COBL: variants seen among roughly 807,000 people sequenced by gnomAD.
COBL encodes the protein cordon-bleu WH2 repeat protein, also known as protein cordon-bleu.
A neutral mutation model predicts 98.8 loss-of-function variants in COBL; 51 were observed. That is an observed-to-expected ratio of 0.52 (90% CI 0.41 to 0.65). The LOEUF is 0.65. COBL is among the 30% of genes least tolerant of loss of function. The probability of loss-of-function intolerance (pLI) is 0.00; values close to 1 mark genes in which losing one functional copy is unlikely to be tolerated. For synonymous variants in COBL, 634 were observed against 651.7 expected, an observed-to-expected ratio of 0.97 and a Z score of 0.41; for missense variants, 1,617 against 1,617.5, an observed-to-expected ratio of 1.00 and a Z score of 0.01.
At chr7:51,064,918 G>A in intron 7 of COBL, 1 of 556,788 alleles carries the variant, frequency 1.8e-6, no homozygotes, top group South Asian at 2.4e-5. Flanking sequence ...AAAGGATGCA[G>A]TGCGGTCTGT....
chr7:51,242,838 G>A (rs972199422), intron 1 of COBL, among the ~76,000 whole-genome samples: 4 of 152,130 alleles, frequency 2.6e-5, no homozygotes, highest in Non-Finnish European at 5.9e-5. Context: ...AGGCCCTGTC[G>A]AATGCCAACA....
chr7:51,091,058 G>A (rs1794771691), intron 6 of COBL, among the ~76,000 whole-genome samples: 1 of 152,222 alleles, frequency 6.6e-6, no homozygotes, highest in Non-Finnish European at 1.5e-5. Flanking sequence ...TTATTACACT[G>A]TAAGAAGCCA....
intron 5 of COBL, among the ~76,000 whole-genome samples, chr7:51,164,436 ACCTTACAGG>A (rs1787096180): frequency 6.6e-6 from 1 of 152,154 alleles, no homozygotes; most frequent in African/African-American, 2.4e-5. Flanking sequence ...TCAAGGGAAA[ACCTTACAGG>A]CCAGGAGAGA....
In COBL at chr7:51,028,398, C is replaced by T. The variant is rs189550793; in HGVS notation, c.2698G>A (p.Ala900Thr). The T allele has an allele frequency of 1.9e-6, 3 of 1,614,268 alleles. No individual in the cohort carries two copies. Among genetic ancestry groups the T allele is most frequent in the African/African-American group, 2.7e-5 (2 of 75,074 alleles). The change falls in exon 10 of 13, where the codon GCG becomes ACG. Residue 900 changes from alanine (A) to threonine (T), a missense_variant. Physicochemically the swap from Ala to Thr is moderately conservative, Grantham distance 58. Transcript: ENST00000265136. The stretch of plus-strand genomic sequence containing the variant: ...ACAGGTGGTGCAGCCAGCACTGGCG[C>T]CTTGCCTGCATAACCCTTCTCGGCA... ...GYAEKGYAGK[A>T]PVLAAPPVTV...
chr7:51,197,235 A>G (rs1322975379), intron 2 of COBL, among the ~76,000 whole-genome samples: 1 of 152,110 alleles, frequency 6.6e-6, no homozygotes, highest in Non-Finnish European at 1.5e-5. Context: ...TGATCTCATT[A>G]GTTTAAAAGA....
At chr7:51,035,393 G>C (rs1172542665) in intron 8 of COBL, 15 of 151,566 alleles carry the variant, frequency 9.9e-5, no homozygotes. Context: ...AGAGGAGAGA[G>C]ATGTTGCTTT....
intron 1 of COBL, among the ~76,000 whole-genome samples, chr7:51,232,822 A>C (rs1464079583): frequency 6.6e-6 from 1 of 152,090 alleles, no homozygotes; most frequent in Non-Finnish European, 1.5e-5. Flanking sequence ...AAAAAAAAAG[A>C]AAGAAAGAAA....
intron 2 of COBL, among the ~76,000 whole-genome samples, chr7:51,217,741 C>CAT (rs1793221398): frequency 6.6e-6 from 1 of 152,154 alleles, no homozygotes; most frequent in Non-Finnish European, 1.5e-5. Flanking sequence ...AAATTTCATG[C>CAT]ATATACTAAA....
intron 2 of COBL, among the ~76,000 whole-genome samples, chr7:51,208,853 C>CT (rs1201718358): frequency 6.6e-6 from 1 of 151,894 alleles, no homozygotes; most frequent in Non-Finnish European, 1.5e-5. Flanking sequence ...TAAACAGATG[C>CT]TTGAAGGCAG....
intron 6 of COBL, among the ~76,000 whole-genome samples, chr7:51,129,855 A>G (rs1477176735): frequency 6.6e-6 from 1 of 152,198 alleles, no homozygotes; most frequent in Non-Finnish European, 1.5e-5. Context: ...AAAGCATGAC[A>G]TGACCCTGTC....
At chr7:51,081,220 C>A (rs1793634074) in intron 7 of COBL, among the ~76,000 whole-genome samples, 1 of 152,184 alleles carries the variant, frequency 6.6e-6, no homozygotes, top group African/African-American at 2.4e-5. Context: ...CCTCCCCATC[C>A]CAACCTCCTC....
At chr7:51,125,809 C>T (rs1049155288) in intron 6 of COBL, among the ~76,000 whole-genome samples, 9 of 152,130 alleles carry the variant, frequency 5.9e-5, no homozygotes, top group African/African-American at 2.2e-4. Context: ...TCAGAACATC[C>T]GCGTACTCAT....
At chr7:51,300,242 CCT>C (rs1801811923) in intron 1 of COBL, among the ~76,000 whole-genome samples, 1 of 152,096 alleles carries the variant, frequency 6.6e-6, no homozygotes, top group Non-Finnish European at 1.5e-5. Flanking sequence ...CTCACTGCAA[CCT>C]CTGTCTCCTG....
chr7:51,190,818 G>C, intron 4 of COBL, 32 bp downstream of exon 4: 1 of 1,571,534 alleles, frequency 6.4e-7, no homozygotes, highest in Non-Finnish European at 8.8e-7. Flanking sequence ...GTGTGATTAT[G>C]GGCAGGTGCG....
chr7:51,024,548 G>T (rs1046440697), intron 12 of COBL, among the ~76,000 whole-genome samples: 11 of 152,128 alleles, frequency 7.2e-5, no homozygotes, highest in African/African-American at 2.7e-4. Flanking sequence ...ACCAGCACAA[G>T]ACCAAAATGG....
At chr7:51,177,818 A>AT (rs1249484517) in intron 5 of COBL, among the ~76,000 whole-genome samples, 6 of 150,566 alleles carry the variant, frequency 4.0e-5, no homozygotes, top group South Asian at 2.1e-4. Flanking sequence ...AAATAAATAA[A>AT]AATTTAAAAG....
chr7:51,047,658 C>T (rs1373621651), intron 7 of COBL, among the ~76,000 whole-genome samples: 1 of 151,966 alleles, frequency 6.6e-6, no homozygotes, highest in African/African-American at 2.4e-5. Context: ...TTTATATGGC[C>T]CAGAGAAAAT....
rs554350629 is a variant in COBL at position 51,118,060 on chromosome 7, G to C, written c.957+18098C>G. On this transcript the variant is annotated intron_variant, in intron 6 of 12. Coordinates refer to ENST00000265136, the MANE Select transcript of COBL (RefSeq NM_015198.5). Reference sequence around the variant, plus strand: ...TCCCTCTCTGGCTTTCTCCTTTCTAGTATTCTTTCCTCACTTTCCAGAGGG... The same window carrying C: ...TCCCTCTCTGGCTTTCTCCTTTCTACTATTCTTTCCTCACTTTCCAGAGGG... Among the ~76,000 whole-genome samples, 4 of 152,254 alleles carry C rather than the reference G, an allele frequency of 2.6e-5. No homozygotes were observed. In the East Asian group the frequency reaches 7.7e-4, roughly 29 times the overall value.
intron 2 of COBL, among the ~76,000 whole-genome samples, chr7:51,201,531 T>G (rs1340277924): frequency 2.0e-5 from 3 of 152,138 alleles, no homozygotes; most frequent in African/African-American, 7.2e-5. Flanking sequence ...CTTCAAAACT[T>G]TACTCTCTAT....
Sources: gnomAD v4.1 joint callset for allele counts (sites outside exome capture counted in the v4.1 genomes callset) on GRCh38, gnomAD v4.1.1 for gene constraint, MANE v1.5 for transcripts, NCBI Gene and HGNC (gene_info 2026-07-23, HGNC 2026-07-21) for gene names.